Variants in CNTN5 observed in about 807,000 individuals in gnomAD.
The protein encoded by CNTN5 is contactin 5, also known as contactin-5.
CNTN5 carries 77 observed loss-of-function variants against 129.1 expected under a neutral mutation model. The ratio of observed to expected loss-of-function variants is 0.60; its 90% CI spans 0.50 to 0.72. The LOEUF (loss-of-function observed/expected upper bound fraction) is 0.72, where lower values mean the gene tolerates loss of function less well. Among genes scored for constraint, CNTN5 ranks in the 30% least tolerant of loss-of-function variants. CNTN5 has a pLI of 0.00. For missense variants in CNTN5, 1,478 were observed against 1,328.8 expected (o/e 1.11, Z -1.75); for synonymous variants, 509 against 465.6 (o/e 1.09, Z -1.20).
At chr11:99,367,412 A>T (rs1939520789) in intron 2 of CNTN5, among the ~76,000 whole-genome samples, 1 of 152,146 alleles carries the variant, frequency 6.6e-6, no homozygotes, top group Non-Finnish European at 1.5e-5. Flanking sequence ...AGATTCTATG[A>T]ATGTGAAAGG....
intron 3 of CNTN5, among the ~76,000 whole-genome samples, chr11:99,749,995 A>G (rs1944178516): frequency 6.6e-6 from 1 of 152,198 alleles, no homozygotes; most frequent in South Asian, 2.1e-4. Flanking sequence ...CCCATCTACC[A>G]TTCATGTATA....
chr11:99,843,209 G>A (rs1478267313), intron 4 of CNTN5, among the ~76,000 whole-genome samples: 1 of 152,148 alleles, frequency 6.6e-6, no homozygotes, highest in Non-Finnish European at 1.5e-5. Context: ...GAGTGGGAGT[G>A]AGACTCTCTC....
intron 3 of CNTN5, among the ~76,000 whole-genome samples, chr11:99,571,037 A>G (rs1369985821): frequency 6.6e-6 from 1 of 152,156 alleles, no homozygotes; most frequent in African/African-American, 2.4e-5. Flanking sequence ...CTGTGACAAG[A>G]AGAGTGATAG....
At chr11:99,299,184 C>A (rs139961911) in intron 1 of CNTN5, among the ~76,000 whole-genome samples, 2 of 151,870 alleles carry the variant, frequency 1.3e-5, no homozygotes, top group South Asian at 2.1e-4. Flanking sequence ...GTACAGCCAA[C>A]GGAAAACATA....
intron 6 of CNTN5, among the ~76,000 whole-genome samples, chr11:99,900,608 A>G (rs1949331255): frequency 6.6e-6 from 1 of 151,486 alleles, no homozygotes; most frequent in Non-Finnish European, 1.5e-5. Context: ...TTTTCAATTT[A>G]TGTAATAGAT....
rs1201876860 is a variant in CNTN5 at position 100,204,343 on chromosome 11, T to TATAA, written c.1884+10681_1884+10682insTAAA. Reference sequence around the variant, plus strand: ...ATATATATATATATATATATATATATAATTATAGGCAGACAGATAGATATA... The same window carrying TATAA: ...ATATATATATATATATATATATATATATAAAATTATAGGCAGACAGATAGATATA... On this transcript the variant is annotated intron_variant, in intron 15 of 24. Coordinates refer to ENST00000524871, the MANE Select transcript of CNTN5 (RefSeq NM_014361.4). Among the ~76,000 whole-genome samples, 63 of 111,428 alleles carry TATAA rather than the reference T, an allele frequency of 5.7e-4. 1 individual carries two copies. Among genetic ancestry groups the TATAA allele is most frequent in the African/African-American group, 2.0e-3 (53 of 26,518 alleles). 73.1% of individuals were successfully genotyped at this position (111,428 alleles called of 152,430 possible). A position where few individuals can be genotyped will look rare whatever the true frequency, so the allele number is the denominator to read the frequency against.
intron 1 of CNTN5, among the ~76,000 whole-genome samples, chr11:99,162,992 C>A (rs921950941): frequency 1.2e-4 from 19 of 152,094 alleles, no homozygotes; most frequent in Non-Finnish European, 2.5e-4. Context: ...ATTTGATATG[C>A]GACACTCTGC....
chr11:99,582,623 A>T (rs1051130223), intron 3 of CNTN5, among the ~76,000 whole-genome samples: 23 of 152,140 alleles, frequency 1.5e-4, no homozygotes, highest in Non-Finnish European at 2.4e-4. Flanking sequence ...CTCATCGGTT[A>T]CTGAGGCTTG....
chr11:99,455,335 C>A (rs561933672), intron 2 of CNTN5, among the ~76,000 whole-genome samples: 2 of 151,658 alleles, frequency 1.3e-5, no homozygotes, highest in South Asian at 2.1e-4. Context: ...TAACCATTAA[C>A]AGTATATAAA....
intron 13 of CNTN5, among the ~76,000 whole-genome samples, chr11:100,078,117 A>G (rs1000698114): frequency 6.6e-6 from 1 of 152,146 alleles, no homozygotes; most frequent in Non-Finnish European, 1.5e-5. Context: ...CAGAGTGCCA[A>G]ATAACCATTT....
At chr11:99,890,523 AACAT>A (rs1189846556) in intron 6 of CNTN5, among the ~76,000 whole-genome samples, 1 of 151,980 alleles carries the variant, frequency 6.6e-6, no homozygotes, top group African/African-American at 2.4e-5. Context: ...ATATGACTGA[AACAT>A]ACATGTATGT....
intron 3 of CNTN5, among the ~76,000 whole-genome samples, chr11:99,739,523 A>G (rs1004413894): frequency 6.6e-6 from 1 of 152,142 alleles, no homozygotes; most frequent in Non-Finnish European, 1.5e-5. Context: ...TGAAGGAATA[A>G]GTAAATAAAA....
chr11:99,312,666 A>T (rs1865162858), intron 1 of CNTN5, among the ~76,000 whole-genome samples: 1 of 152,166 alleles, frequency 6.6e-6, no homozygotes, highest in African/African-American at 2.4e-5. Flanking sequence ...GGATTGCTGT[A>T]AGACAATTCA....
intron 13 of CNTN5, among the ~76,000 whole-genome samples, chr11:100,119,963 A>G (rs1945959320): frequency 6.6e-6 from 1 of 151,950 alleles, no homozygotes; most frequent in South Asian, 2.1e-4. Context: ...AATGATATGA[A>G]AATAGATATA....
intron 2 of CNTN5, among the ~76,000 whole-genome samples, chr11:99,413,092 A>T (rs555912179): frequency 1.3e-5 from 2 of 152,342 alleles, no homozygotes; most frequent in South Asian, 4.1e-4. Flanking sequence ...GTGAGAACTC[A>T]GAAGTCAGAG....
chr11:99,927,831 T>C (rs570100055), intron 7 of CNTN5, among the ~76,000 whole-genome samples: 1 of 152,284 alleles, frequency 6.6e-6, no homozygotes, highest in African/African-American at 2.4e-5. Flanking sequence ...AACACAGTCA[T>C]GCCCTTCTAA....
At chr11:99,780,410 G>A (rs1945272135) in intron 3 of CNTN5, among the ~76,000 whole-genome samples, 1 of 152,006 alleles carries the variant, frequency 6.6e-6, no homozygotes, top group African/African-American at 2.4e-5. Flanking sequence ...ATTTAGCTGG[G>A]AGGAAAGAAA....
chr11:99,890,802 C>T (rs536900362), intron 6 of CNTN5, among the ~76,000 whole-genome samples: 3 of 152,130 alleles, frequency 2.0e-5, no homozygotes, highest in African/African-American at 4.8e-5. Flanking sequence ...AACACAATCT[C>T]GACTAAGGGA....
intron 21 of CNTN5, among the ~76,000 whole-genome samples, chr11:100,310,386 C>T (rs1265052637): frequency 6.6e-6 from 1 of 151,894 alleles, no homozygotes; most frequent in African/African-American, 2.4e-5. Flanking sequence ...CATTATGATT[C>T]ACCGTGTTGA....
Sources: gnomAD v4.1 joint callset for allele counts (sites outside exome capture counted in the v4.1 genomes callset) on GRCh38, gnomAD v4.1.1 for gene constraint, MANE v1.5 for transcripts, NCBI Gene and HGNC (gene_info 2026-07-23, HGNC 2026-07-21) for gene names.